Variants in ARFGEF3 observed in about 807,000 individuals in gnomAD.
ARFGEF3 encodes ARFGEF family member 3.
ARFGEF3 carries 96 observed loss-of-function variants against 221.7 expected under a neutral mutation model. The observed-to-expected ratio is 0.43, with a 90% confidence interval of 0.37 to 0.51. ARFGEF3 has a LOEUF of 0.51. Ranked by LOEUF, ARFGEF3 falls within the 20% of genes least tolerant of loss-of-function variation. The probability of loss-of-function intolerance (pLI) is 0.00; values close to 1 mark genes in which losing one functional copy is unlikely to be tolerated. For missense variants in ARFGEF3, 2,410 were observed against 2,789.9 expected (o/e 0.86, Z 3.07); for synonymous variants, 1,145 against 1,126.8 (o/e 1.02, Z -0.32).
chr6:138,287,478 A>G (rs1261317928), intron 17 of ARFGEF3, among the ~76,000 whole-genome samples: 2 of 152,216 alleles, frequency 1.3e-5, no homozygotes, highest in Non-Finnish European at 2.9e-5. Flanking sequence ...TCATCTAGTC[A>G]CTGGCTTTGG....
chr6:138,323,678 C>T lies in ARFGEF3; in HGVS notation c.4774C>T (p.Leu1592Phe). 6.2e-7 allele frequency: 1 copy of T among 1,613,710 alleles called. No homozygotes were observed. Among genetic ancestry groups the T allele is most frequent in the Non-Finnish European group, 8.5e-7 (1 of 1,179,736 alleles). The change falls in exon 30 of 34, where the codon CTT becomes TTT. Residue 1592 changes from leucine to phenylalanine, a missense_variant. By Grantham distance (22) the Leu-to-Phe change is conservative. Coordinates refer to ENST00000251691, the MANE Select transcript of ARFGEF3 (RefSeq NM_020340.5). ...RVGCSCIRYV[L>F]VTAGPVFTEE... ...ACTTGTTTCTTTTGGCAGATACGTC[C>T]TTGTGACAGCGGGCCCTGTGTTCAC...
At chr6:138,295,348 G>A (rs981336876) in intron 20 of ARFGEF3, among the ~76,000 whole-genome samples, 7 of 151,978 alleles carry the variant, frequency 4.6e-5, no homozygotes, top group African/African-American at 1.7e-4. Flanking sequence ...GGCCAGGTGT[G>A]GCAGCTCATG....
chr6:138,177,830 C>A (rs1009582116), intron 2 of ARFGEF3, among the ~76,000 whole-genome samples: 4 of 152,124 alleles, frequency 2.6e-5, no homozygotes, highest in African/African-American at 9.6e-5. Flanking sequence ...AGATGTCTAT[C>A]TCCTTGGTAA....
At position 138,334,039 on chromosome 6, in the gene ARFGEF3, C is replaced by T. The variant is rs765558751; in HGVS notation, c.5193C>T (p.Ile1731=). The change falls in exon 33 of 34, where the codon ATC becomes ATT. Residue 1731 remains isoleucine (I), a synonymous_variant. Coordinates refer to ENST00000251691, the MANE Select transcript of ARFGEF3 (RefSeq NM_020340.5). The surrounding 1 kb of genome is among the most constrained non-coding windows in gnomAD (Gnocchi z 5.1). ...TGTTACTCCAGAACTTATATGACAT[C>T]TTGTTAGAAGAGTTTGTCAAAGGCC... ...HQVLLQNLYD[I]LLEEFVKGPS... The T allele has an allele frequency of 6.8e-6, 11 of 1,613,790 alleles. No homozygotes were observed. Among genetic ancestry groups the T allele is most frequent in the Non-Finnish European group, 8.5e-6 (10 of 1,179,868 alleles).
chr6:138,301,142 T>A (rs1315769685), intron 22 of ARFGEF3, among the ~76,000 whole-genome samples: 1 of 152,210 alleles, frequency 6.6e-6, no homozygotes, highest in Non-Finnish European at 1.5e-5. Context: ...GAAGCAGCTT[T>A]GGCTATGGTA....
intron 4 of ARFGEF3, chr6:138,218,075 G>C (rs1777907526): frequency 1.9e-6 from 3 of 1,613,928 alleles, no homozygotes; most frequent in Non-Finnish European, 1.7e-6. Flanking sequence ...AAGTCAATGT[G>C]AATAATATGG....
chr6:138,315,273 T>C (rs1042523859), intron 26 of ARFGEF3, among the ~76,000 whole-genome samples: 1 of 152,198 alleles, frequency 6.6e-6, no homozygotes, highest in African/African-American at 2.4e-5. Context: ...TCCCATGTGA[T>C]CTCCTGTGAA....
chr6:138,207,082 A>C lies in ARFGEF3; in HGVS notation c.178A>C (p.Lys60Gln). Reference protein sequence around the residue: ...LLPLQLALESKNVKLAQHALA... With the variant: ...LLPLQLALESQNVKLAQHALA... ...GCCTCTCCAGTTGGCTTTGGAATCC[A>C]AGAATGTGAAGCTGGCCCAACATGC... The change falls in exon 3 of 34, where the codon AAG becomes CAG. Residue 60 changes from lysine to glutamine, a missense_variant. Coordinates refer to ENST00000251691, the MANE Select transcript of ARFGEF3 (RefSeq NM_020340.5). 2 of 1,611,702 alleles carry C rather than the reference A, an allele frequency of 1.2e-6. No individual in the cohort carries two copies. The highest frequency in any genetic ancestry group is 2.2e-5 in the East Asian group (1 of 44,816).
intron 2 of ARFGEF3, among the ~76,000 whole-genome samples, chr6:138,203,473 G>A (rs6906369): frequency 0.16 from 23,636 of 152,158 alleles, 3,973 homozygotes; most frequent in African/African-American, 0.42. Flanking sequence ...GAAAGCAGGT[G>A]CCTGTTGTGA....
At position 138,206,343 on chromosome 6, in the gene ARFGEF3, C is replaced by CTTTTT. The variant is rs542624433; in HGVS notation, c.138-688_138-684dup. 9.9e-3 allele frequency among the ~76,000 whole-genome samples: 1,332 copies of CTTTTT among 135,016 alleles called. 29 individuals are homozygous for CTTTTT. The highest frequency in any genetic ancestry group is 0.044 in the Admixed American group (574 of 13,090). 88.6% of individuals were successfully genotyped at this position (135,016 alleles called of 152,430 possible). A position where few individuals can be genotyped will look rare whatever the true frequency, so the allele number is the denominator to read the frequency against. Reference sequence around the variant, plus strand: ...CCTTTAAAATATCCAAATATCTCTCCTTTTTTTTTTTTTTTGTCTCTCCCC... The same window carrying CTTTTT: ...CCTTTAAAATATCCAAATATCTCTCCTTTTTTTTTTTTTTTTTTTTGTCTCTCCCC... On this transcript the variant is annotated intron_variant, in intron 2 of 33. Transcript: ENST00000251691.
chr6:138,329,686 C>A (rs1014080451), intron 32 of ARFGEF3, among the ~76,000 whole-genome samples: 3 of 152,098 alleles, frequency 2.0e-5, no homozygotes, highest in Non-Finnish European at 4.4e-5. Flanking sequence ...AACAAAAAAA[C>A]AAACTGGGTT....
chr6:138,297,488 C>T (rs996808898), intron 21 of ARFGEF3, among the ~76,000 whole-genome samples: 7 of 152,214 alleles, frequency 4.6e-5, no homozygotes, highest in Non-Finnish European at 1.0e-4. Flanking sequence ...CATCTCAATA[C>T]ATGAGGACTG....
At chr6:138,292,378 G>A (rs751763441) in intron 19 of ARFGEF3, among the ~76,000 whole-genome samples, 7 of 152,044 alleles carry the variant, frequency 4.6e-5, no homozygotes, top group Non-Finnish European at 7.4e-5. Context: ...TTCTGTCACC[G>A]TGTAGTTGTG....
rs949050705 is a variant in ARFGEF3 at position 138,341,878 on chromosome 6, T to G, written c.*5392T>G. The G allele has an allele frequency of 6.6e-6, 1 of 152,316 alleles. No individual in the cohort carries two copies. The highest frequency in any genetic ancestry group is 2.1e-4 in the South Asian group (1 of 4,826). The allele number at this position is 152,316 out of a possible 1,614,324, so 9.4% of individuals were successfully genotyped here. A position where few individuals can be genotyped will look rare whatever the true frequency, so the allele number is the denominator to read the frequency against. ...TATAAATTGTGGTACCACTCCATCATTGAAGAGAAACCACTACCACACCAC... is the reference window on the plus strand; with the variant it reads ...TATAAATTGTGGTACCACTCCATCAGTGAAGAGAAACCACTACCACACCAC... On this transcript the variant is annotated 3_prime_UTR_variant, in exon 34 of 34. Transcript: ENST00000251691.
chr6:138,224,647 C>T (rs1405554823), intron 4 of ARFGEF3, among the ~76,000 whole-genome samples: 1 of 152,214 alleles, frequency 6.6e-6, no homozygotes, highest in African/African-American at 2.4e-5. Flanking sequence ...CCAGCTGCTC[C>T]TAGCACCTCC....
At chr6:138,222,635 T>C (rs1778001495) in intron 4 of ARFGEF3, among the ~76,000 whole-genome samples, 1 of 152,204 alleles carries the variant, frequency 6.6e-6, no homozygotes, top group African/African-American at 2.4e-5. Context: ...AAGGAATTAT[T>C]TTGTCTAACA....
intron 12 of ARFGEF3, among the ~76,000 whole-genome samples, chr6:138,277,793 G>A (rs1321302031): frequency 1.3e-5 from 2 of 152,226 alleles, no homozygotes; most frequent in Admixed American, 6.5e-5. Context: ...AAACTGGGTA[G>A]AATAAATGCC....
chr6:138,300,299 TAGTTAACACCTAGA>T (rs925174325), intron 22 of ARFGEF3, among the ~76,000 whole-genome samples: 5 of 152,226 alleles, frequency 3.3e-5, no homozygotes, highest in African/African-American at 1.2e-4. Context: ...ATCTCCTAGA[TAGTTAACACCTAGA>T]AGTTAACACC....
At chr6:138,281,525 C>T (rs999683138) in intron 14 of ARFGEF3, among the ~76,000 whole-genome samples, 8 of 152,282 alleles carry the variant, frequency 5.3e-5, no homozygotes, top group East Asian at 3.9e-4. Flanking sequence ...TCCATGAGTA[C>T]CCAGTGTTTA....
Sources: allele counts gnomAD v4.1 joint callset (sites outside exome capture counted in the v4.1 genomes callset), GRCh38; gene constraint gnomAD v4.1.1; non-coding constraint Gnocchi (gnomAD v3.1); transcripts MANE v1.5; gene names NCBI Gene and HGNC (gene_info 2026-07-23, HGNC 2026-07-21).